Variants in COL4A2 observed in about 807,000 individuals in gnomAD.
COL4A2 encodes collagen alpha-2(IV) chain.
COL4A2 carries 99 observed loss-of-function variants against 200.2 expected under a neutral mutation model. The ratio of observed to expected loss-of-function variants is 0.49; its 90% CI spans 0.42 to 0.58. The LOEUF (loss-of-function observed/expected upper bound fraction) is 0.58, where lower values mean the gene tolerates loss of function less well. Ranked by LOEUF, COL4A2 falls within the 20% of genes least tolerant of loss-of-function variation. The pLI is 0.00. For missense variants in COL4A2, 1,950 were observed against 2,314.1 expected, an observed-to-expected ratio of 0.84 and a Z score of 3.23; for synonymous variants, 897 against 900.6, an observed-to-expected ratio of 1.00 and a Z score of 0.07.
chr13:110,376,987 C>T (rs1368244270), intron 4 of COL4A2, among the ~76,000 whole-genome samples: 7 of 152,156 alleles, frequency 4.6e-5, no homozygotes, highest in African/African-American at 1.2e-4. Context: ...ACTCAGTGAT[C>T]GTTGATCTTT....
intron 4 of COL4A2, among the ~76,000 whole-genome samples, chr13:110,394,460 C>A (rs1214397689): frequency 2.0e-5 from 3 of 152,172 alleles, no homozygotes; most frequent in Admixed American, 1.3e-4. Flanking sequence ...AGGTCTTCTC[C>A]TGGTAGCGCC....
intron 4 of COL4A2, among the ~76,000 whole-genome samples, chr13:110,376,885 G>T (rs1878260112): frequency 6.6e-6 from 1 of 152,138 alleles, no homozygotes; most frequent in Admixed American, 6.5e-5. Context: ...GTGAGGCCAG[G>T]TTATTAAGCA....
At chr13:110,417,044 G>A (rs1011657062) in intron 4 of COL4A2, among the ~76,000 whole-genome samples, 4 of 150,822 alleles carry the variant, frequency 2.7e-5, no homozygotes, top group Non-Finnish European at 5.9e-5. Context: ...GCAGTGGCAC[G>A]ATCTTGGCTC....
chr13:110,329,512 T>C (rs1374112214), intron 3 of COL4A2, among the ~76,000 whole-genome samples: 6 of 152,202 alleles, frequency 3.9e-5, no homozygotes, highest in Non-Finnish European at 8.8e-5. Flanking sequence ...GGTTTCTTTG[T>C]GGTTGTCAAA....
At chr13:110,467,945 A>G (rs751949841) in intron 27 of COL4A2, among the ~76,000 whole-genome samples, 1 of 152,216 alleles carries the variant, frequency 6.6e-6, no homozygotes, top group African/African-American at 2.4e-5. Flanking sequence ...TGTCACAAGC[A>G]CCAGACACAG....
At chr13:110,324,795 C>T (rs977800110) in intron 3 of COL4A2, among the ~76,000 whole-genome samples, 5 of 152,200 alleles carry the variant, frequency 3.3e-5, no homozygotes, top group Non-Finnish European at 5.9e-5. Flanking sequence ...TGGGGCCTCC[C>T]GGCCCCTGGA....
intron 18 of COL4A2, among the ~76,000 whole-genome samples, chr13:110,447,284 C>G (rs1002620724): frequency 2.0e-5 from 3 of 152,166 alleles, no homozygotes; most frequent in Non-Finnish European, 4.4e-5. Context: ...CTTGCCAGCC[C>G]GACACCTGGA....
rs945819692 is a variant in COL4A2 at position 110,325,187 on chromosome 13, G to A, written c.99+17064G>A. Among the ~76,000 whole-genome samples, 8 of 152,216 alleles carry A rather than the reference G, an allele frequency of 5.3e-5. No homozygotes were observed. In the East Asian group the frequency reaches 5.8e-4, roughly 11 times the overall value. The stretch of plus-strand genomic sequence containing the variant: ...GCCACATGTGTCCATAATAATAATC[G>A]GAAATCAACGCATTTTTAATAAGCA... On this transcript the variant is annotated intron_variant, in intron 3 of 47. Transcript: ENST00000360467.
chr13:110,351,117 C>T (rs1219962966), intron 3 of COL4A2, among the ~76,000 whole-genome samples: 1 of 152,076 alleles, frequency 6.6e-6, no homozygotes, highest in Non-Finnish European at 1.5e-5. Context: ...GGCGTAATCT[C>T]GGCTCACTGC....
At chr13:110,442,227 G>A (rs1232908564) in intron 16 of COL4A2, among the ~76,000 whole-genome samples, 1 of 152,186 alleles carries the variant, frequency 6.6e-6, no homozygotes, top group East Asian at 1.9e-4. Context: ...TGTGAGGATG[G>A]TGAGGCGTCA....
intron 4 of COL4A2, among the ~76,000 whole-genome samples, chr13:110,424,389 A>G (rs1880379976): frequency 1.6e-5 from 2 of 127,398 alleles, no homozygotes; most frequent in African/African-American, 5.6e-5. Context: ...AAATAGAGAT[A>G]AAATTGTAGA....
chr13:110,482,590 A>G lies in COL4A2; in HGVS notation c.2833A>G (p.Ser945Gly), dbSNP rs755545052. The G allele has an allele frequency of 6.2e-7, 1 of 1,614,092 alleles. No homozygotes were observed. Among genetic ancestry groups the G allele is most frequent in the East Asian group, 2.2e-5 (1 of 44,864 alleles). The change falls in exon 32 of 48, where the codon AGC (serine) becomes GGC (glycine). Residue 945 changes from serine (S) to glycine (G), a missense_variant. Around this residue, in one of 2 missense-constraint regions of COL4A2, gnomAD observed 1,385 missense variants for 1,720.5 expected, o/e 0.80. Transcript: ENST00000360467. ...GLKGRPGFPG[S>G]KGEAGFFGIP... ...CAAAGGGAGACCCGGGTTTCCAGGGAGCAAAGGCGAGGCTGGATTTTTCGG... is the reference window on the plus strand; with the variant it reads ...CAAAGGGAGACCCGGGTTTCCAGGGGGCAAAGGCGAGGCTGGATTTTTCGG...
chr13:110,453,802 G>A (rs1594224805), intron 20 of COL4A2, among the ~76,000 whole-genome samples: 3 of 152,312 alleles, frequency 2.0e-5, no homozygotes, highest in Admixed American at 1.3e-4. Flanking sequence ...TATTACCCCT[G>A]TGAGACACAT....
intron 3 of COL4A2, among the ~76,000 whole-genome samples, chr13:110,331,982 G>A (rs576519108): frequency 5.3e-5 from 8 of 152,162 alleles, no homozygotes; most frequent in African/African-American, 1.2e-4. Context: ...TGATGCCTAC[G>A]TTTTATTGTC....
intron 20 of COL4A2, among the ~76,000 whole-genome samples, chr13:110,451,051 A>G (rs945093811): frequency 6.6e-6 from 1 of 152,198 alleles, no homozygotes; most frequent in African/African-American, 2.4e-5. Context: ...AAGTCAATAA[A>G]GCCGGCAGGC....
At position 110,381,546 on chromosome 13, in the gene COL4A2, A is replaced by C. The variant is rs1424528166; in HGVS notation, c.180+23994A>C. 5.3e-5 allele frequency among the ~76,000 whole-genome samples: 8 copies of C among 152,214 alleles called. No individual in the cohort carries two copies. In the South Asian group the frequency reaches 1.4e-3, roughly 28 times the overall value. On this transcript the variant is annotated intron_variant, in intron 4 of 47. Transcript: ENST00000360467. ...CCAGGTGGGTCCTTATGACCCTATT[A>C]GTGACTGTCTCGCACAACTGGAGAT...
intron 4 of COL4A2, among the ~76,000 whole-genome samples, chr13:110,387,044 C>G (rs920930528): frequency 1.3e-5 from 2 of 152,124 alleles, no homozygotes; most frequent in Non-Finnish European, 2.9e-5. Context: ...TCAAGACCAG[C>G]CTGGCCAACA....
chr13:110,446,966 C>G (rs937235029), intron 18 of COL4A2, 102 bp downstream of exon 18: 9 of 872,406 alleles, frequency 1.0e-5, no homozygotes, highest in African/African-American at 5.2e-5. Context: ...TCTAAGCAAC[C>G]CTAAAACTTA....
At chr13:110,490,493 G>C (rs183597565) in intron 36 of COL4A2, among the ~76,000 whole-genome samples, 248 of 152,350 alleles carry the variant, frequency 1.6e-3, no homozygotes, top group Non-Finnish European at 2.3e-3. Flanking sequence ...TCTTTATCTA[G>C]AAATTGCTCT....
Sources: gnomAD v4.1 joint callset for allele counts (sites outside exome capture counted in the v4.1 genomes callset) on GRCh38, gnomAD v4.1.1 for gene constraint, gnomAD v4.1.1 regional missense constraint, MANE v1.5 for transcripts, NCBI Gene and HGNC (gene_info 2026-07-23, HGNC 2026-07-21) for gene names.